The following GRIN2B variants were observed in gnomAD, a reference collection of about 807,000 sequenced individuals.
GRIN2B encodes glutamate ionotropic receptor NMDA type subunit 2B, also known as glutamate receptor ionotropic, NMDA 2B.
Under a neutral mutation model 114.5 loss-of-function variants are expected in GRIN2B, and 5 were observed. The ratio of observed to expected loss-of-function variants is 0.04; its 90% CI spans 0.02 to 0.09. GRIN2B has a LOEUF of 0.09. Among genes scored for constraint, GRIN2B ranks in the 10% least tolerant of loss-of-function variants. The pLI is 1.00. For missense variants in GRIN2B, 1,108 were observed against 1,943.5 expected (o/e 0.57, Z 8.08); for synonymous variants, 787 against 745.1 (o/e 1.06, Z -0.92).
chr12:13,618,001 G>C (rs1462996673), intron 5 of GRIN2B, among the ~76,000 whole-genome samples: 1 of 152,142 alleles, frequency 6.6e-6, no homozygotes, highest in Non-Finnish European at 1.5e-5. Flanking sequence ...GGCTGATGCT[G>C]GTTGGTTTTC....
intron 10 of GRIN2B, among the ~76,000 whole-genome samples, chr12:13,605,784 T>C (rs900041447): frequency 6.6e-6 from 1 of 152,176 alleles, no homozygotes; most frequent in Non-Finnish European, 1.5e-5. Context: ...CAGTTGTTAC[T>C]GCGTGGCCCA....
intron 4 of GRIN2B, among the ~76,000 whole-genome samples, chr12:13,719,888 A>C (rs1950491665): frequency 6.6e-6 from 1 of 151,950 alleles, no homozygotes; most frequent in Non-Finnish European, 1.5e-5. Flanking sequence ...GCAAATACCA[A>C]AACTGGTTTA....
Position 13,775,483 on chromosome 12 carries a change from A to G in GRIN2B, c.412-21568T>C, listed in dbSNP as rs534647321. ...GCACTTAGCATAGTGCTGGGCACCAAGTAAGTGCTTAGGAAATAGTACTGG... is the reference window on the plus strand; with the variant it reads ...GCACTTAGCATAGTGCTGGGCACCAGGTAAGTGCTTAGGAAATAGTACTGG... On this transcript the variant is annotated intron_variant, in intron 3 of 13. Coordinates refer to ENST00000609686, the MANE Select transcript of GRIN2B (RefSeq NM_000834.5). 3.9e-5 allele frequency among the ~76,000 whole-genome samples: 6 copies of G among 152,338 alleles called. No individual in the cohort carries two copies. In the East Asian group the frequency reaches 9.7e-4, roughly 25 times the overall value.
intron 2 of GRIN2B, among the ~76,000 whole-genome samples, chr12:13,953,938 T>C (rs138735813): frequency 1.2e-4 from 18 of 152,200 alleles, no homozygotes; most frequent in Non-Finnish European, 2.6e-4. Context: ...ATACACAGAC[T>C]AGGGATAAAA....
At chr12:13,626,278 T>A (rs1949565680) in intron 5 of GRIN2B, among the ~76,000 whole-genome samples, 1 of 152,136 alleles carries the variant, frequency 6.6e-6, no homozygotes, top group Admixed American at 6.5e-5. Flanking sequence ...GTGTGCACCA[T>A]GCCCAAGGCC....
At chr12:13,956,108 T>G (rs2136855210) in intron 2 of GRIN2B, among the ~76,000 whole-genome samples, 1 of 151,974 alleles carries the variant, frequency 6.6e-6, no homozygotes, top group South Asian at 2.1e-4. Flanking sequence ...TGGGATGGAG[T>G]AGGGGATATG....
intron 4 of GRIN2B, among the ~76,000 whole-genome samples, chr12:13,677,069 C>A (rs1950081463): frequency 6.6e-6 from 1 of 152,154 alleles, no homozygotes; most frequent in Non-Finnish European, 1.5e-5. Context: ...ATGCTCATTA[C>A]AACTGCATTA....
intron 5 of GRIN2B, among the ~76,000 whole-genome samples, chr12:13,629,637 C>T (rs1949600690): frequency 6.6e-6 from 1 of 152,092 alleles, no homozygotes; most frequent in South Asian, 2.1e-4. Flanking sequence ...CTCCTTCCCT[C>T]CTCTTGCTCC....
At chr12:13,740,275 G>GGTTTTT (rs1356582581) in intron 4 of GRIN2B, among the ~76,000 whole-genome samples, 1 of 152,124 alleles carries the variant, frequency 6.6e-6, no homozygotes, top group Non-Finnish European at 1.5e-5. Context: ...CAAACTAAAA[G>GGTTTTT]CATCTGTGGA....
upstream of GRIN2B, chr12:13,981,709 G>C (rs1863141674): frequency 6.6e-6 from 1 of 150,502 alleles, no homozygotes; most frequent in African/African-American, 2.5e-5. Flanking sequence ...CGGGGGAAGG[G>C]AAGCGGGCGG....
Position 13,541,764 on chromosome 12 carries a change from G to C in GRIN2B, c.*21019C>G, listed in dbSNP as rs1202806373. On this transcript the variant is annotated 3_prime_UTR_variant, in exon 14 of 14. Transcript: ENST00000609686. ...GTGATCTCATTCACACCCTGTTCAG[G>C]GTTCCGTGAGGGTTTGGAAAAATAG... is the stretch of plus-strand genomic sequence containing the variant. 1 of 152,180 alleles carries C rather than the reference G, an allele frequency of 6.6e-6. No homozygotes were observed. The highest frequency in any genetic ancestry group is 1.5e-5 in the Non-Finnish European group (1 of 68,030). The allele number at this position is 152,180 out of a possible 1,614,324, so 9.4% of individuals were successfully genotyped here. A position where few individuals can be genotyped will look rare whatever the true frequency, so the allele number is the denominator to read the frequency against.
Position 13,848,276 on chromosome 12 carries a change from C to T in GRIN2B, c.411+17522G>A, listed in dbSNP as rs1447087560. 5.9e-5 allele frequency among the ~76,000 whole-genome samples: 9 copies of T among 152,214 alleles called. No homozygotes were observed. The East Asian group carries it at 1.7e-3, about 29-fold the overall frequency. On this transcript the variant is annotated intron_variant, in intron 3 of 13. Transcript: ENST00000609686. Reference sequence around the variant, plus strand: ...ACAAATGCCCCTAGGGAGGGAAACCCGTTAGTTGCTCTTGTCTATTTGGAC... The same window carrying T: ...ACAAATGCCCCTAGGGAGGGAAACCTGTTAGTTGCTCTTGTCTATTTGGAC...
At chr12:13,710,911 C>T (rs1950407995) in intron 4 of GRIN2B, among the ~76,000 whole-genome samples, 1 of 151,960 alleles carries the variant, frequency 6.6e-6, no homozygotes, top group South Asian at 2.1e-4. Flanking sequence ...AAAGAGCCCT[C>T]ATTGCCAAGT....
intron 5 of GRIN2B, among the ~76,000 whole-genome samples, chr12:13,646,085 A>G (rs1055279257): frequency 6.6e-6 from 1 of 152,156 alleles, no homozygotes; most frequent in Non-Finnish European, 1.5e-5. Context: ...AGTCTACAAC[A>G]GCTGCTACCT....
At chr12:13,680,729 AG>A (rs1448724694) in intron 4 of GRIN2B, among the ~76,000 whole-genome samples, 1 of 152,126 alleles carries the variant, frequency 6.6e-6, no homozygotes, top group African/African-American at 2.4e-5. Flanking sequence ...CTCTCAGCTC[AG>A]GGTCCTTCCA....
chr12:13,703,799 C>A (rs1950333767), intron 4 of GRIN2B, among the ~76,000 whole-genome samples: 1 of 152,162 alleles, frequency 6.6e-6, no homozygotes, highest in Admixed American at 6.6e-5. Flanking sequence ...CTTTTAACTT[C>A]AATCCATTTA....
intron 5 of GRIN2B, among the ~76,000 whole-genome samples, chr12:13,651,449 C>A (rs1949811666): frequency 6.6e-6 from 1 of 152,056 alleles, no homozygotes; most frequent in African/African-American, 2.4e-5. Context: ...AGAAAAATAT[C>A]TCAGTGTAAA....
intron 2 of GRIN2B, among the ~76,000 whole-genome samples, chr12:13,900,831 C>T (rs190785359): frequency 6.6e-6 from 1 of 152,202 alleles, no homozygotes; most frequent in Admixed American, 6.6e-5. Context: ...TAGCATACTT[C>T]TGAGATTTGG....
At chr12:13,935,931 C>T (rs921402516) in intron 2 of GRIN2B, among the ~76,000 whole-genome samples, 10 of 152,142 alleles carry the variant, frequency 6.6e-5, no homozygotes, top group Admixed American at 2.6e-4. Flanking sequence ...AGCCCATAAT[C>T]ATCCTGGCTT....
Sources: gnomAD v4.1 joint callset for allele counts (sites outside exome capture counted in the v4.1 genomes callset) on GRCh38, gnomAD v4.1.1 for gene constraint, MANE v1.5 for transcripts, NCBI Gene and HGNC (gene_info 2026-07-23, HGNC 2026-07-21) for gene names.